The following MYH15 variants were observed in gnomAD, a reference collection of about 807,000 sequenced individuals.
The protein encoded by MYH15 is myosin-15.
Under a neutral mutation model 240.5 loss-of-function variants are expected in MYH15, and 227 were observed. The ratio of observed to expected loss-of-function variants is 0.94; its 90% confidence interval spans 0.85 to 1.05. The LOEUF is 1.05. Ranked by LOEUF, MYH15 falls within the 50% of genes least tolerant of loss-of-function variation. MYH15 has a pLI of 0.00. For missense variants in MYH15, 2,217 were observed against 2,247.5 expected (o/e 0.99, Z 0.27); for synonymous variants, 785 against 796.7 (o/e 0.99, Z 0.25).
Position 108,423,480 on chromosome 3 carries a change from A to T in MYH15, c.3703-2266T>A, listed in dbSNP as rs115364475. Among the ~76,000 whole-genome samples the T allele has an allele frequency of 1.9e-3, 296 of 152,346 alleles. 1 individual carries two copies. The highest frequency in any genetic ancestry group is 6.4e-3 in the African/African-American group (267 of 41,576). ...TTAGAGCATTAATGTTAAATGCCAGACATGCTCAATTGTCCCCACTCTCCA... is the reference window on the plus strand; with the variant it reads ...TTAGAGCATTAATGTTAAATGCCAGTCATGCTCAATTGTCCCCACTCTCCA... On this transcript the variant is annotated intron_variant, in intron 27 of 40. Transcript: ENST00000693548.
chr3:108,396,413 G>T (rs1276073322), intron 35 of MYH15, among the ~76,000 whole-genome samples: 1 of 152,190 alleles, frequency 6.6e-6, no homozygotes, highest in African/African-American at 2.4e-5. Flanking sequence ...CTCCTAAGGA[G>T]CATGCAACCT....
At chr3:108,412,294 G>A (rs2082600748) in intron 30 of MYH15, among the ~76,000 whole-genome samples, 1 of 152,184 alleles carries the variant, frequency 6.6e-6, no homozygotes, top group Admixed American at 6.5e-5. Context: ...CATGAGATCT[G>A]ATGGTTTTAT....
At chr3:108,384,992 C>T (rs2082370887) in intron 38 of MYH15, among the ~76,000 whole-genome samples, 2 of 152,152 alleles carry the variant, frequency 1.3e-5, no homozygotes, top group South Asian at 2.1e-4. Flanking sequence ...GATCCATCAA[C>T]CTTTGCTGAA....
upstream of MYH15, among the ~76,000 whole-genome samples, chr3:108,511,552 A>T (rs149524583): frequency 1.3e-5 from 2 of 152,330 alleles, no homozygotes; most frequent in African/African-American, 4.8e-5. Flanking sequence ...TACATTTGAT[A>T]ACAGGGAGAA....
intron 5 of MYH15, 29 bp from the exon 6 acceptor site, chr3:108,498,174 A>C: frequency 1.3e-6 from 2 of 1,593,940 alleles, no homozygotes; most frequent in Non-Finnish European, 1.7e-6. Context: ...TGATACAGTT[A>C]ACTGGTTCTG....
chr3:108,504,678 T>C (rs914720074), intron 2 of MYH15, among the ~76,000 whole-genome samples: 8 of 152,158 alleles, frequency 5.3e-5, no homozygotes, highest in African/African-American at 1.4e-4. Context: ...AAGAGTTCAT[T>C]TAAGTAGGAC....
intron 29 of MYH15, among the ~76,000 whole-genome samples, chr3:108,414,691 G>A (rs1011277428): frequency 3.9e-5 from 6 of 152,234 alleles, no homozygotes; most frequent in Middle Eastern, 3.4e-3. Flanking sequence ...GACAGGCCTG[G>A]AATTCTAGAA....
the MYH15 span, among the ~76,000 whole-genome samples, chr3:108,535,020 A>G: frequency 6.6e-6 from 1 of 152,118 alleles, no homozygotes; most frequent in Non-Finnish European, 1.5e-5. Flanking sequence ...GCTCCTCACA[A>G]CATCCAACAC....
chr3:108,502,437 T>C (rs1177970547), intron 2 of MYH15, among the ~76,000 whole-genome samples: 1 of 152,188 alleles, frequency 6.6e-6, no homozygotes, highest in Non-Finnish European at 1.5e-5. Flanking sequence ...AGATTATAAA[T>C]ACCTTAAGAA....
chr3:108,467,005 T>C (rs577926090), intron 14 of MYH15, among the ~76,000 whole-genome samples: 1 of 152,266 alleles, frequency 6.6e-6, no homozygotes, highest in African/African-American at 2.4e-5. Flanking sequence ...TTAAGGCTTA[T>C]TTCCAATAAT....
intron 20 of MYH15, 81 bp downstream of exon 20, chr3:108,455,655 T>C (rs2083012411): frequency 4.1e-6 from 6 of 1,476,176 alleles, no homozygotes; most frequent in South Asian, 2.3e-5. Flanking sequence ...TGCCTTATAA[T>C]TGAGCATTCA....
rs780548229 is a variant in MYH15, at chr3:108,391,744, T to C, written c.5430+16A>G. On this transcript the variant is annotated intron_variant, in intron 37 of 40. Coordinates refer to ENST00000693548, the MANE Select transcript of MYH15 (RefSeq NM_014981.3). ...ATTGGGGACTGTCAAGCCCTCATGA[T>C]TACCCAGACTCCTACCCTGGATTCT... 3.1e-6 allele frequency: 5 copies of C among 1,609,514 alleles called. No homozygotes were observed. In the South Asian group the frequency reaches 4.4e-5, roughly 14 times the overall value.
intron 29 of MYH15, among the ~76,000 whole-genome samples, chr3:108,415,381 A>C (rs2082625216): frequency 6.6e-6 from 1 of 152,224 alleles, no homozygotes; most frequent in Non-Finnish European, 1.5e-5. Flanking sequence ...GACTCTGAAA[A>C]GGATGCAGGC....
intron 14 of MYH15, among the ~76,000 whole-genome samples, chr3:108,465,271 T>C (rs1331353741): frequency 1.3e-5 from 2 of 152,172 alleles, no homozygotes; most frequent in Admixed American, 1.3e-4. Flanking sequence ...TGTGCACAAG[T>C]ATTCCAGGCA....
intron 32 of MYH15, among the ~76,000 whole-genome samples, chr3:108,407,991 TG>T (rs919228818): frequency 2.0e-5 from 3 of 152,236 alleles, no homozygotes; most frequent in Non-Finnish European, 4.4e-5. Flanking sequence ...GTCTGGGCAC[TG>T]GGGATAAACT....
rs1371266602 is a variant in MYH15, at chr3:108,408,541, T to C, written c.4496-137A>G. 9.0e-6 allele frequency: 7 copies of C among 775,190 alleles called. No individual in the cohort carries two copies. The Admixed American group carries it at 1.0e-4, about 11-fold the overall frequency. 48.0% of individuals were successfully genotyped at this position (775,190 alleles called of 1,614,324 possible). On this transcript the variant is annotated intron_variant, in intron 31 of 40. Transcript: ENST00000693548. ...CTTGGTAACTTGATGACCTATCCTA[T>C]ATGGGACCGAGAAATTTTAAAAGGG...
At chr3:108,532,504 T>G (rs80169349), upstream of MYH15, among the ~76,000 whole-genome samples, 388 of 152,294 alleles carry the variant, frequency 2.5e-3, no homozygotes, top group Non-Finnish European at 3.9e-3. Flanking sequence ...GATCTACTGG[T>G]TCTCACACTG....
Position 108,476,492 on chromosome 3 carries a change from T to G in MYH15, c.1138A>C (p.Met380Leu). 1.2e-6 allele frequency: 2 copies of G among 1,612,442 alleles called. No individual in the cohort carries two copies. Among genetic ancestry groups the G allele is most frequent in the Non-Finnish European group, 8.5e-7 (1 of 1,178,762 alleles). ...TENADKAAFL[M>L]GINSSELVKC... ...ACCAACTCAGAGGAGTTAATGCCCA[T>G]GAGGAAAGCAGCTTTGTCAGCATCT... is the stretch of plus-strand genomic sequence containing the variant. The change falls in exon 12 of 41, where the codon ATG becomes CTG. Residue 380 changes from methionine to leucine, a missense_variant. By Grantham distance (15) the Met-to-Leu change is conservative. Coordinates refer to ENST00000693548, the MANE Select transcript of MYH15 (RefSeq NM_014981.3).
At chr3:108,506,069 A>G (rs1359672914) in intron 1 of MYH15, among the ~76,000 whole-genome samples, 1 of 152,058 alleles carries the variant, frequency 6.6e-6, no homozygotes, top group African/African-American at 2.4e-5. Flanking sequence ...ACCATAGACC[A>G]TTTTGCTACA....
Sources: gnomAD v4.1 joint callset for allele counts (sites outside exome capture counted in the v4.1 genomes callset) on GRCh38, gnomAD v4.1.1 for gene constraint, MANE v1.5 for transcripts, NCBI Gene and HGNC (gene_info 2026-07-23, HGNC 2026-07-21) for gene names.